Variants in ZC3H12B observed in about 807,000 individuals in gnomAD.
ZC3H12B encodes the protein zinc finger CCCH-type containing 12B.
In ZC3H12B, 7 loss-of-function variants were observed where a neutral mutation model predicts 43.9. The ratio of observed to expected loss-of-function variants is 0.16; its 90% CI spans 0.09 to 0.30. The LOEUF (loss-of-function observed/expected upper bound fraction) is 0.30, where lower values mean the gene tolerates loss of function less well. Among genes scored for constraint, ZC3H12B ranks in the 10% least tolerant of loss-of-function variants. The pLI is 1.00. For missense variants in ZC3H12B, 475 were observed against 670.2 expected, an observed-to-expected ratio of 0.71 and a Z score of 3.22; for synonymous variants, 222 against 241.7, an observed-to-expected ratio of 0.92 and a Z score of 0.76.
chrX:65,101,961 T>C, the ZC3H12B span, among the ~76,000 whole-genome samples: 1 of 112,344 alleles, frequency 8.9e-6, no homozygotes, highest in Non-Finnish European at 1.9e-5. Flanking sequence ...ATATCCCTGA[T>C]GAACATCGAG....
the ZC3H12B span, among the ~76,000 whole-genome samples, chrX:65,343,555 A>G: frequency 3.6e-5 from 4 of 112,334 alleles, no homozygotes; most frequent in South Asian, 7.3e-4. Flanking sequence ...TTCATCACCA[A>G]ACAGAACTAA....
At chrX:65,474,168 T>TATAAA (rs2067962754) in intron 3 of ZC3H12B, among the ~76,000 whole-genome samples, 1 of 112,120 alleles carries the variant, frequency 8.9e-6, no homozygotes, top group African/African-American at 3.2e-5. Context: ...GTGTATATAT[T>TATAAA]TATAATTGTT....
At chrX:65,281,000 G>T in the ZC3H12B span, among the ~76,000 whole-genome samples, 1 of 111,315 alleles carries the variant, frequency 9.0e-6, no homozygotes, top group African/African-American at 3.3e-5. Context: ...AAAATACAAT[G>T]ACATTTCTTA....
At chrX:65,307,396 A>G in the ZC3H12B span, among the ~76,000 whole-genome samples, 1 of 111,995 alleles carries the variant, frequency 8.9e-6, no homozygotes. Context: ...GAATTTAAGT[A>G]TAATCTAGGA....
chrX:65,406,150 G>A (rs1479641380), intron 3 of ZC3H12B, among the ~76,000 whole-genome samples: 1 of 110,814 alleles, frequency 9.0e-6, no homozygotes, highest in Non-Finnish European at 1.9e-5. Context: ...TATGAAGTCA[G>A]CATTACCCTG....
chrX:65,378,850 G>A (rs774341821), intron 2 of ZC3H12B, among the ~76,000 whole-genome samples: 7 of 112,442 alleles, frequency 6.2e-5, no homozygotes, highest in South Asian at 7.4e-4. Flanking sequence ...GGTGACAGAC[G>A]GCACCTGGAA....
the ZC3H12B span, among the ~76,000 whole-genome samples, chrX:65,085,797 T>G: frequency 9.0e-6 from 1 of 110,723 alleles, no homozygotes; most frequent in African/African-American, 3.3e-5. Context: ...TTTGAAAGAA[T>G]CACATATTTA....
chrX:65,159,068 A>T, the ZC3H12B span, among the ~76,000 whole-genome samples: 1 of 111,749 alleles, frequency 8.9e-6, no homozygotes, highest in African/African-American at 3.2e-5. Flanking sequence ...GGTTTGTCAA[A>T]GCTCAAATGG....
chrX:65,436,336 C>T, intron 3 of ZC3H12B, among the ~76,000 whole-genome samples: 1 of 112,427 alleles, frequency 8.9e-6, no homozygotes, highest in East Asian at 2.8e-4. Flanking sequence ...TATCAAACCA[C>T]AAGGCCCAAT....
intron 3 of ZC3H12B, among the ~76,000 whole-genome samples, chrX:65,409,255 C>G (rs1008498162): frequency 2.8e-5 from 3 of 108,806 alleles, no homozygotes; most frequent in Non-Finnish European, 5.7e-5. Flanking sequence ...TGTGCAATGA[C>G]TTATATAAAT....
chrX:65,377,473 A>G (rs1279209479), intron 2 of ZC3H12B, among the ~76,000 whole-genome samples: 1 of 110,666 alleles, frequency 9.0e-6, no homozygotes, highest in Non-Finnish European at 1.9e-5. Context: ...GCACTTAATA[A>G]TCAAACTTCC....
At chrX:65,207,693 G>GT in the ZC3H12B span, among the ~76,000 whole-genome samples, 6 of 94,667 alleles carry the variant, frequency 6.3e-5, no homozygotes, top group African/African-American at 2.0e-4. Context: ...CTTTAAAGTA[G>GT]TTTTTTCCAA....
chrX:65,308,036 A>T, the ZC3H12B span, among the ~76,000 whole-genome samples: 1 of 111,606 alleles, frequency 9.0e-6, no homozygotes, highest in Admixed American at 9.6e-5. Context: ...TTAGTCAAAC[A>T]AACGCTGTGG....
At chrX:65,328,498 G>C in the ZC3H12B span, 1 of 227,077 alleles carries the variant, frequency 4.4e-6, no homozygotes, top group East Asian at 1.2e-4. Flanking sequence ...CTTCAACTCT[G>C]TTCATAAATG....
chrX:65,335,115 C>T, the ZC3H12B span, among the ~76,000 whole-genome samples: 1 of 111,784 alleles, frequency 8.9e-6, no homozygotes, highest in Admixed American at 9.5e-5. Flanking sequence ...ATTTCTGATA[C>T]CCCCAAAGTA....
At chrX:65,143,224 G>C in the ZC3H12B span, among the ~76,000 whole-genome samples, 1 of 110,858 alleles carries the variant, frequency 9.0e-6, no homozygotes, top group Admixed American at 9.6e-5. Flanking sequence ...TCACGTTCTT[G>C]GTTAGGTATA....
chrX:65,154,967 G>GT, the ZC3H12B span, among the ~76,000 whole-genome samples: 3,148 of 101,997 alleles, frequency 0.031, 52 homozygotes, highest in African/African-American at 0.063. Flanking sequence ...GTTTGCTAAG[G>GT]TTTTTTTTTT....
intron 3 of ZC3H12B, among the ~76,000 whole-genome samples, chrX:65,455,382 T>C (rs931562618): frequency 9.0e-6 from 1 of 111,708 alleles, no homozygotes; most frequent in Non-Finnish European, 1.9e-5. Flanking sequence ...TATCAGTGAT[T>C]GAAGATCAAA....
At chrX:65,060,209 C>T in the ZC3H12B span, among the ~76,000 whole-genome samples, 1 of 112,084 alleles carries the variant, frequency 8.9e-6, no homozygotes, top group Admixed American at 9.5e-5. Context: ...GCATATATTT[C>T]TCCTGTCTCA....
Sources: allele counts gnomAD v4.1 joint callset (sites outside exome capture counted in the v4.1 genomes callset), GRCh38; gene constraint gnomAD v4.1.1; transcripts MANE v1.5; gene names NCBI Gene and HGNC (gene_info 2026-07-23, HGNC 2026-07-21).